Variants in SLC2A2 observed in about 807,000 individuals in gnomAD.
SLC2A2 encodes solute carrier family 2, facilitated glucose transporter member 2.
Under a neutral mutation model 54.5 loss-of-function variants are expected in SLC2A2, and 36 were observed. The observed-to-expected ratio is 0.66, with a 90% CI of 0.51 to 0.87. The LOEUF (loss-of-function observed/expected upper bound fraction) is 0.87. SLC2A2 is among the 40% of genes least tolerant of loss of function. The probability of loss-of-function intolerance (pLI) is 0.00; values close to 1 mark genes in which losing one functional copy is unlikely to be tolerated. For missense variants in SLC2A2, 543 were observed against 624.3 expected (o/e 0.87, Z 1.39); for synonymous variants, 223 against 219.1 (o/e 1.02, Z -0.16).
intron 5 of SLC2A2, among the ~76,000 whole-genome samples, chr3:171,006,498 A>G (rs547841982): frequency 1.3e-5 from 2 of 152,172 alleles, no homozygotes; most frequent in African/African-American, 4.8e-5. Flanking sequence ...AAAATCATCC[A>G]TGACTTTGGA....
rs778607566 is a variant in SLC2A2, at chr3:171,005,960, T to C, written c.758A>G (p.Glu253Gly). The change falls in exon 6 of 11, where the codon GAA becomes GGA. Residue 253 changes from glutamate (E) to glycine (G), a missense_variant. Around this residue, in one of 3 missense-constraint regions of SLC2A2, gnomAD observed 318 missense variants for 343.8 expected, o/e 0.93. Coordinates refer to ENST00000314251, the MANE Select transcript of SLC2A2 (RefSeq NM_000340.2). ...AGACTTACTTTGTTTTGCTTTGACT[T>C]CCTCATCTAACTTGATGTAAAGGTA... ...PRYLYIKLDE[E>G]VKAKQSLKRL... 6.2e-7 allele frequency: 1 copy of C among 1,612,434 alleles called. No homozygotes were observed. Among genetic ancestry groups the C allele is most frequent in the South Asian group, 1.1e-5 (1 of 91,060 alleles).
intron 2 of SLC2A2, among the ~76,000 whole-genome samples, chr3:171,014,955 A>G (rs983029687): frequency 7.2e-5 from 11 of 152,212 alleles, no homozygotes; most frequent in African/African-American, 2.4e-4. Flanking sequence ...AATGAAGGGA[A>G]CATGTAATAC....
chr3:171,014,434 G>A (rs1199456440), intron 3 of SLC2A2, 35 bp downstream of exon 3: 1 of 1,606,916 alleles, frequency 6.2e-7, no homozygotes, highest in Non-Finnish European at 8.5e-7. Context: ...AAATATGAAA[G>A]TTTCTGTTTA....
chr3:171,005,546 G>C (rs1347394944), intron 6 of SLC2A2, 74 bp from the exon 7 acceptor site: 1 of 1,243,778 alleles, frequency 8.0e-7, no homozygotes, highest in Non-Finnish European at 1.2e-6. Flanking sequence ...GTTAATGAAA[G>C]AGCTACATTT....
intron 5 of SLC2A2, 21 bp from the exon 6 acceptor site, chr3:171,006,126 T>C: frequency 6.2e-7 from 1 of 1,603,552 alleles, no homozygotes; most frequent in Non-Finnish European, 8.5e-7. Context: ...AAGGAGGAAG[T>C]ATATCAACTA....
rs867996396 is a variant in SLC2A2 at position 171,005,975 on chromosome 3, A to T, written c.743T>A (p.Ile248Asn). The part of the protein sequence containing the change: ...FCPESPRYLY[I>N]KLDEEVKAKQ... ...TGCTTTGACTTCCTCATCTAACTTG[A>T]TGTAAAGGTATCTGGGGCTTTCTGG... The change falls in exon 6 of 11, where the codon ATC becomes AAC. Residue 248 changes from isoleucine (I) to asparagine (N), a missense_variant. By Grantham distance (149) the Ile-to-Asn change is moderately radical. Coordinates refer to ENST00000314251, the MANE Select transcript of SLC2A2 (RefSeq NM_000340.2). 1.2e-6 allele frequency: 2 copies of T among 1,612,420 alleles called. No homozygotes were observed. Among genetic ancestry groups the T allele is most frequent in the Admixed American group, 3.3e-5 (2 of 59,820 alleles).
At chr3:171,002,928 T>A (rs1715407501) in intron 7 of SLC2A2, among the ~76,000 whole-genome samples, 1 of 152,154 alleles carries the variant, frequency 6.6e-6, no homozygotes, top group Admixed American at 6.6e-5. Context: ...TCTTTATTTT[T>A]GTAAATAAAT....
chr3:171,010,142 C>T, intron 3 of SLC2A2, 60 bp from the exon 4 acceptor site: 2 of 1,545,356 alleles, frequency 1.3e-6, no homozygotes, highest in South Asian at 2.2e-5. Context: ...AAATTATTCG[C>T]TTTCAGAGCA....
At chr3:171,019,297 T>A (rs557303507) in intron 1 of SLC2A2, among the ~76,000 whole-genome samples, 2 of 151,958 alleles carry the variant, frequency 1.3e-5, no homozygotes, top group East Asian at 3.9e-4. Context: ...CTGTTGGATG[T>A]TGCCATGGTG....
chr3:170,998,247 T>C lies in SLC2A2; in HGVS notation c.1320A>G (p.Ala440=). 1.2e-6 allele frequency: 2 copies of C among 1,613,844 alleles called. No individual in the cohort carries two copies. The highest frequency in any genetic ancestry group is 1.7e-6 in the Non-Finnish European group (2 of 1,179,830). ...GPRPAALAIA[A]FSNWTCNFIV... Reference sequence around the variant, plus strand: ...TGAAATTGCAGGTCCAATTGCTGAATGCAGCTATTGCTAAAGCAGCAGGAC... The same window carrying C: ...TGAAATTGCAGGTCCAATTGCTGAACGCAGCTATTGCTAAAGCAGCAGGAC... The change falls in exon 10 of 11, where the codon GCA becomes GCG. Residue 440 remains alanine, a synonymous_variant. Transcript: ENST00000314251.
chr3:171,019,107 A>ACG (rs1716317742), intron 1 of SLC2A2, among the ~76,000 whole-genome samples: 1 of 7,168 alleles, frequency 1.4e-4, no homozygotes, highest in African/African-American at 9.1e-4. Flanking sequence ...GTATATATAT[A>ACG]TATATATATA....
At chr3:171,007,004 C>T in intron 5 of SLC2A2, 144 bp downstream of exon 5, 1 of 690,368 alleles carries the variant, frequency 1.4e-6, no homozygotes. Context: ...TCTCTCTGTG[C>T]TGGTCTACAG....
intron 2 of SLC2A2, among the ~76,000 whole-genome samples, chr3:171,017,732 A>G (rs1426790255): frequency 6.6e-6 from 1 of 152,210 alleles, no homozygotes; most frequent in Non-Finnish European, 1.5e-5. Context: ...TCTGAGTTAG[A>G]GCAGAGGGGA....
rs771036378 is a variant in SLC2A2 at position 170,999,053 on chromosome 3, C to T, written c.1170+12G>A. On this transcript the variant is annotated intron_variant, in intron 9 of 10. Coordinates refer to ENST00000314251, the MANE Select transcript of SLC2A2 (RefSeq NM_000340.2). ...TGTTAATGAAAAACCTCAGTGCAGG[C>T]ACCAAACTTACCAGCAGCACAAGTC... The T allele has an allele frequency of 7.6e-6, 12 of 1,571,148 alleles. 1 individual carries two copies. Among genetic ancestry groups the T allele is most frequent in the Non-Finnish European group, 1.1e-5 (12 of 1,141,030 alleles).
At position 170,997,814 on chromosome 3, in the gene SLC2A2, T is replaced by A; in HGVS notation, c.*89A>T. ...ATAAAAATAAAACAATACTTAAAGA[T>A]GTGGATATAAAATGCTCAAGGAATC... On this transcript the variant is annotated 3_prime_UTR_variant, in exon 11 of 11. Coordinates refer to ENST00000314251, the MANE Select transcript of SLC2A2 (RefSeq NM_000340.2). The A allele has an allele frequency of 9.9e-7, 1 of 1,006,808 alleles. No homozygotes were observed. Among genetic ancestry groups the A allele is most frequent in the Non-Finnish European group, 1.6e-6 (1 of 644,254 alleles). The allele number at this position is 1,006,808 out of a possible 1,614,324, so 62.4% of individuals were successfully genotyped here.
chr3:171,014,947 T>C (rs746473766), intron 2 of SLC2A2, among the ~76,000 whole-genome samples: 5 of 152,068 alleles, frequency 3.3e-5, no homozygotes, highest in Non-Finnish European at 5.9e-5. Context: ...AACAAATAAA[T>C]GAAGGGAACA....
chr3:171,017,147 C>T (rs1386085944), intron 2 of SLC2A2, among the ~76,000 whole-genome samples: 2 of 152,116 alleles, frequency 1.3e-5, no homozygotes, highest in Admixed American at 6.6e-5. Context: ...CCACTGCGCC[C>T]GGCCAGGGAT....
intron 1 of SLC2A2, among the ~76,000 whole-genome samples, chr3:171,022,056 T>C (rs892952779): frequency 4.6e-5 from 7 of 152,208 alleles, no homozygotes; most frequent in Admixed American, 6.5e-5. Flanking sequence ...GGCAAGATAT[T>C]CCCAGGTTCT....
At position 170,998,089 on chromosome 3, in the gene SLC2A2, A is replaced by C. The variant is rs766757903; in HGVS notation, c.1389T>G (p.Pro463=). The C allele has an allele frequency of 1.2e-6, 2 of 1,613,534 alleles. No homozygotes were observed. Among genetic ancestry groups the C allele is most frequent in the African/African-American group, 2.7e-5 (2 of 74,910 alleles). ...CFQYIADFCG[P]YVFFLFAGVL... is the part of the protein sequence containing the mutation. ...CTCCAGCAAAGAGGAAAAACACATA[A>C]GGTCCACAGAAGTCCTGGATAGAAA... The change falls in exon 11 of 11, where the codon CCT becomes CCG. Residue 463 remains proline (P), a synonymous_variant. Coordinates refer to ENST00000314251, the MANE Select transcript of SLC2A2 (RefSeq NM_000340.2).
Sources: allele counts gnomAD v4.1 joint callset (sites outside exome capture counted in the v4.1 genomes callset), GRCh38; gene constraint gnomAD v4.1.1; regional missense constraint gnomAD v4.1.1; transcripts MANE v1.5; gene names NCBI Gene and HGNC (gene_info 2026-07-23, HGNC 2026-07-21).